AIMP2: variants seen among roughly 807,000 people sequenced by gnomAD.
AIMP2 encodes the protein aminoacyl tRNA synthetase complex interacting multifunctional protein 2.
Under a neutral mutation model 23.4 loss-of-function variants are expected in AIMP2, and 20 were observed. That is an observed-to-expected ratio of 0.85 (90% confidence interval 0.60 to 1.24). The LOEUF is 1.24. Ranked by LOEUF, AIMP2 falls within the 50% of genes most tolerant of loss-of-function variation. The pLI is 0.00. For missense variants in AIMP2, 515 were observed against 414.5 expected, an observed-to-expected ratio of 1.24 and a Z score of -2.10; for synonymous variants, 210 against 170.4, an observed-to-expected ratio of 1.23 and a Z score of -1.81.
Position 6,014,625 on chromosome 7 carries a change from C to T in AIMP2, c.136-521C>T, listed in dbSNP as rs566670529. On this transcript the variant is annotated intron_variant, in intron 1 of 3. Coordinates refer to ENST00000223029, the MANE Select transcript of AIMP2 (RefSeq NM_006303.4). ...GGACTATGGGGAAAATGAGATGTTT[C>T]TGCTCCTGTATTTTAATGTCTTTTT... Among the ~76,000 whole-genome samples, 10 of 152,164 alleles carry T rather than the reference C, an allele frequency of 6.6e-5. No homozygotes were observed. The South Asian group carries it at 2.1e-3, about 32-fold the overall frequency.
At chr7:6,016,802 G>A (rs140424531) in intron 2 of AIMP2, 1 of 152,430 alleles carries the variant, frequency 6.6e-6, no homozygotes. Flanking sequence ...TTGGCCGTGA[G>A]TGTTCACATC....
chr7:6,013,390 T>C (rs1403349001), intron 1 of AIMP2, among the ~76,000 whole-genome samples: 2 of 150,280 alleles, frequency 1.3e-5, no homozygotes, highest in East Asian at 4.0e-4. Context: ...GCCTCCTGAA[T>C]AGCTGGTATT....
intron 2 of AIMP2, among the ~76,000 whole-genome samples, chr7:6,016,536 C>T (rs1402446144): frequency 6.6e-6 from 1 of 152,162 alleles, no homozygotes; most frequent in Non-Finnish European, 1.5e-5. Flanking sequence ...TGCAACCAGG[C>T]CCTCAGGGAG....
intron 1 of AIMP2, among the ~76,000 whole-genome samples, chr7:6,010,565 C>G (rs56354402): frequency 0.076 from 11,586 of 152,014 alleles, 601 homozygotes; most frequent in Non-Finnish European, 0.11. Flanking sequence ...TTCTCTGCCT[C>G]AGCCTCCTGA....
intron 3 of AIMP2, among the ~76,000 whole-genome samples, chr7:6,020,991 C>G (rs1397195857): frequency 6.6e-6 from 1 of 152,174 alleles, no homozygotes; most frequent in Non-Finnish European, 1.5e-5. Context: ...GACAAGAACG[C>G]TTTTTCTGGA....
chr7:6,020,162 T>C (rs1247195510), intron 3 of AIMP2, among the ~76,000 whole-genome samples: 1 of 152,138 alleles, frequency 6.6e-6, no homozygotes, highest in East Asian at 1.9e-4. Context: ...GGTTCATGCC[T>C]GTAATCCCAG....
rs759973375 is a variant in AIMP2, at chr7:6,023,578, G to C, written c.850G>C (p.Val284Leu). 1.2e-6 allele frequency: 2 copies of C among 1,614,258 alleles called. No homozygotes were observed. Among genetic ancestry groups the C allele is most frequent in the African/African-American group, 1.3e-5 (1 of 75,072 alleles). The change falls in exon 4 of 4, where the codon GTA becomes CTA. Residue 284 changes from valine (V) to leucine (L), a missense_variant. Physicochemically the swap from Val to Leu is conservative, Grantham distance 32. Transcript: ENST00000223029. ...CGTAGCAGACGTGGTGCTGTGGTCT[G>C]TACTCCAGCAGATCGGAGGCTGCAG... ...LTVADVVLWS[V>L]LQQIGGCSVT...
At chr7:6,011,313 G>A (rs1158201400) in intron 1 of AIMP2, among the ~76,000 whole-genome samples, 1 of 152,176 alleles carries the variant, frequency 6.6e-6, no homozygotes, top group Admixed American at 6.5e-5. Flanking sequence ...CCTGATGTTT[G>A]CACCCTGCCC....
chr7:6,014,153 C>G (rs1248443063), intron 1 of AIMP2, among the ~76,000 whole-genome samples: 1 of 150,028 alleles, frequency 6.7e-6, no homozygotes, highest in Non-Finnish European at 1.5e-5. Flanking sequence ...AAATTGTGTT[C>G]ATTTTCTATC....
In AIMP2 at chr7:6,015,203, C is replaced by T. The variant is rs140850823; in HGVS notation, c.193C>T (p.Arg65Cys). 4.7e-4 allele frequency: 756 copies of T among 1,614,124 alleles called. 5 individuals carry two copies. The Middle Eastern group carries it at 7.6e-3, about 16-fold the overall frequency. Residue 65 changes from arginine to cysteine, a missense_variant, in exon 2 of 4, where the codon CGT (arginine) becomes TGT (cysteine). Arg to Cys is a radical substitution (Grantham distance 180, BLOSUM62 -3). Transcript: ENST00000223029. ...GTCCCGCCAAGATGATATTTTAAAA[C>T]GTCTGTATGAGTTGAAAGCTGCAGT... ...LESRQDDILK[R>C]LYELKAAVDG... is the part of the protein sequence containing the mutation.
Position 6,015,280 on chromosome 7 carries a change from C to G in AIMP2, c.270C>G (p.Thr90=). 1 of 1,614,158 alleles carries G rather than the reference C, an allele frequency of 6.2e-7. No individual in the cohort carries two copies. The highest frequency in any genetic ancestry group is 8.5e-7 in the Non-Finnish European group (1 of 1,180,020). Residue 90 remains threonine (T), a synonymous_variant, in exon 2 of 4, where the codon ACC becomes ACG. Transcript: ENST00000223029. ...IQTPDADLDV[T]NIIQADEPTT... ...CACCAGATGCAGACTTGGATGTAAC[C>G]AACATAATCCAAGCGGATGAGCCCA...
In AIMP2 at chr7:6,009,409, C is replaced by T. The variant is rs768787708; in HGVS notation, c.46C>T (p.Leu16Phe). 8.1e-6 allele frequency: 13 copies of T among 1,611,504 alleles called. No individual in the cohort carries two copies. The highest frequency in any genetic ancestry group is 1.0e-5 in the Non-Finnish European group (12 of 1,180,012). The change falls in exon 1 of 4, where the codon CTC becomes TTC. Residue 16 changes from leucine to phenylalanine, a missense_variant. Coordinates refer to ENST00000223029, the MANE Select transcript of AIMP2 (RefSeq NM_006303.4). ...VKPYHGGGAPLRVELPTCMYR... is the reference protein window; with the variant it reads ...VKPYHGGGAPFRVELPTCMYR... ...GCCCTATCACGGGGGCGGCGCGCCTCTCCGTGTGGAGCTTCCCACCTGCAT... is the reference window on the plus strand; with the variant it reads ...GCCCTATCACGGGGGCGGCGCGCCTTTCCGTGTGGAGCTTCCCACCTGCAT...
intron 1 of AIMP2, among the ~76,000 whole-genome samples, chr7:6,012,176 C>A (rs1786729928): frequency 6.6e-6 from 1 of 151,620 alleles, no homozygotes; most frequent in African/African-American, 2.4e-5. Context: ...TCACTTGAGC[C>A]CAGGAGGTCA....
At chr7:6,020,409 A>G (rs1159952832) in intron 3 of AIMP2, among the ~76,000 whole-genome samples, 5 of 152,144 alleles carry the variant, frequency 3.3e-5, no homozygotes, top group Non-Finnish European at 5.9e-5. Flanking sequence ...CTACAGAGCC[A>G]GACTCCGTCT....
chr7:6,018,080 G>A (rs763789278), intron 3 of AIMP2, 35 bp downstream of exon 3: 4 of 1,543,212 alleles, frequency 2.6e-6, no homozygotes, highest in Non-Finnish European at 3.6e-6. Context: ...CTTACACACA[G>A]CTGCCCCTTG....
At chr7:6,010,807 GTT>G (rs35316507) in intron 1 of AIMP2, among the ~76,000 whole-genome samples, 3 of 143,402 alleles carry the variant, frequency 2.1e-5, no homozygotes. Context: ...GTGTCTGGGT[GTT>G]TTTTTTTTTT....
At chr7:6,014,207 C>T (rs1434209152) in intron 1 of AIMP2, among the ~76,000 whole-genome samples, 2 of 144,138 alleles carry the variant, frequency 1.4e-5, no homozygotes, top group East Asian at 2.1e-4. Context: ...AGGAACCATA[C>T]AATTTCAGAG....
intron 1 of AIMP2, among the ~76,000 whole-genome samples, chr7:6,011,889 G>A (rs1334879966): frequency 6.6e-6 from 1 of 152,136 alleles, no homozygotes; most frequent in Non-Finnish European, 1.5e-5. Flanking sequence ...TGTGAACTTA[G>A]AGGACACATA....
chr7:6,012,819 T>G, intron 1 of AIMP2: 1 of 1,031,288 alleles, frequency 9.7e-7, no homozygotes, highest in Non-Finnish European at 1.2e-6. Context: ...TCCAAAGTGC[T>G]GAGATTACAG....
Sources: allele counts gnomAD v4.1 joint callset (sites outside exome capture counted in the v4.1 genomes callset), GRCh38; gene constraint gnomAD v4.1.1; transcripts MANE v1.5; gene names NCBI Gene and HGNC (gene_info 2026-07-23, HGNC 2026-07-21).